SPEN: variants seen among roughly 807,000 people sequenced by gnomAD.
SPEN encodes msx2-interacting protein.
Under a neutral mutation model 269.9 loss-of-function variants are expected in SPEN, and 18 were observed. That is an observed-to-expected ratio of 0.07 (90% CI 0.05 to 0.10). The LOEUF is 0.10. Among genes scored for constraint, SPEN ranks in the 10% least tolerant of loss-of-function variants. The pLI is 1.00. For missense variants in SPEN, 3,822 were observed against 4,631.2 expected (o/e 0.83, Z 5.07); for synonymous variants, 1,726 against 1,765.7 (o/e 0.98, Z 0.56).
At position 15,919,396 on chromosome 1, in the gene SPEN, A is replaced by G. The variant is rs986246914; in HGVS notation, c.1522-8A>G. 6.4e-7 allele frequency: 1 copy of G among 1,566,098 alleles called. No individual in the cohort carries two copies. Among genetic ancestry groups the G allele is most frequent in the African/African-American group, 1.4e-5 (1 of 72,542 alleles). On this transcript the variant is annotated splice_polypyrimidine_tract_variant and splice_region_variant and intron_variant, in intron 7 of 14. Transcript: ENST00000375759. ...TTTACTAATAGAAATTTTGCCTTTT[A>G]TATTCAGCTGGGTTTTGGAAAGAGC...
Position 15,855,614 on chromosome 1 carries a change from CTT to C in SPEN, c.83+7466_83+7467del, listed in dbSNP as rs1162168594. Among the ~76,000 whole-genome samples the C allele has an allele frequency of 2.0e-5, 3 of 152,082 alleles. No individual in the cohort carries two copies. In the East Asian group the frequency reaches 5.8e-4, roughly 29 times the overall value. On this transcript the variant is annotated intron_variant, in intron 1 of 14. Transcript: ENST00000375759. ...GTGGCTCATGCCTGTAATCCCAGCA[CTT>C]TGGGAGGCTGAGGCGGGCGGGCGGA...
chr1:15,893,838 G>A (rs1209798489), intron 3 of SPEN, among the ~76,000 whole-genome samples: 1 of 152,160 alleles, frequency 6.6e-6, no homozygotes, highest in East Asian at 1.9e-4. Context: ...AGGAGTTTGA[G>A]ATCAGCCTTG....
At chr1:15,872,754 C>A (rs2070594327) in intron 1 of SPEN, 62 bp from the exon 2 acceptor site, 1 of 1,404,556 alleles carries the variant, frequency 7.1e-7, no homozygotes, top group Non-Finnish European at 9.5e-7. Flanking sequence ...CAAAAAAAAT[C>A]TAAAAACTCA....
In SPEN at chr1:15,854,772, C is replaced by T. The variant is rs530833309; in HGVS notation, c.83+6622C>T. 1.5e-3 allele frequency among the ~76,000 whole-genome samples: 229 copies of T among 152,142 alleles called. 2 individuals carry two copies. The highest frequency in any genetic ancestry group is 1.9e-3 in the South Asian group (9 of 4,814). Reference sequence around the variant, plus strand: ...CTGGGATTATAGGTGTGAGCCACCGCGACCGGCCAAAACCATGTAATTTTT... The same window carrying T: ...CTGGGATTATAGGTGTGAGCCACCGTGACCGGCCAAAACCATGTAATTTTT... On this transcript the variant is annotated intron_variant, in intron 1 of 14. Coordinates refer to ENST00000375759, the MANE Select transcript of SPEN (RefSeq NM_015001.3).
intron 6 of SPEN, 74 bp from the exon 7 acceptor site, chr1:15,918,851 AC>A: frequency 1.6e-6 from 2 of 1,236,596 alleles, no homozygotes; most frequent in Non-Finnish European, 2.3e-6. Context: ...AGAAATAAAT[AC>A]CCTATATGGA....
In SPEN at chr1:15,933,008, G is replaced by T. The variant is rs1404836483; in HGVS notation, c.6768G>T (p.Leu2256=). The T allele has an allele frequency of 1.2e-6, 2 of 1,614,158 alleles. No individual in the cohort carries two copies. The highest frequency in any genetic ancestry group is 3.3e-5 in the Admixed American group (2 of 60,032). ...DLQPPAGAQA[L]QPSEEGMETD... ...AACCCCCCGCAGGTGCACAGGCGCT[G>T]CAGCCTTCTGAGGAAGGAATGGAGA... Residue 2256 remains leucine (L), a synonymous_variant, in exon 11 of 15, where the codon CTG becomes CTT. Transcript: ENST00000375759. This position sits in a 1 kb window ranked among gnomAD's most constrained non-coding sequence, Gnocchi z 5.7.
rs2071187797 is a variant in SPEN, at chr1:15,928,347, G to C, written c.2107G>C (p.Glu703Gln). The change falls in exon 11 of 15, where the codon GAA (glutamate) becomes CAA (glutamine). Residue 703 changes from glutamate (E) to glutamine (Q), a missense_variant. This residue lies in a region of SPEN where 572 missense variants were observed against 582.6 expected (regional missense o/e 0.98). Coordinates refer to ENST00000375759, the MANE Select transcript of SPEN (RefSeq NM_015001.3). This position sits in a 1 kb window ranked among gnomAD's most constrained non-coding sequence, Gnocchi z 5.7. Reference sequence around the variant, plus strand: ...ATATAGTTACAGGCAAAGGGAACGAGAAAGAGAACGTGAAAGATTTGAGTC... The same window carrying C: ...ATATAGTTACAGGCAAAGGGAACGACAAAGAGAACGTGAAAGATTTGAGTC... ...REYSYRQRER[E>Q]RERERFESDR... The C allele has an allele frequency of 6.2e-7, 1 of 1,614,228 alleles. No individual in the cohort carries two copies. Among genetic ancestry groups the C allele is most frequent in the East Asian group, 2.2e-5 (1 of 44,880 alleles).
At chr1:15,865,456 C>G (rs951091302) in intron 1 of SPEN, among the ~76,000 whole-genome samples, 8 of 137,774 alleles carry the variant, frequency 5.8e-5, no homozygotes, top group African/African-American at 2.2e-4. Context: ...CGGTGTCTCA[C>G]TCTGTTGCCA....
At chr1:15,896,279 T>G (rs2070841860) in intron 3 of SPEN, among the ~76,000 whole-genome samples, 2 of 137,494 alleles carry the variant, frequency 1.5e-5, no homozygotes, top group Non-Finnish European at 3.1e-5. Context: ...CACTGCAATC[T>G]CCGCCTCCCA....
At chr1:15,893,208 T>G (rs979654171) in intron 3 of SPEN, among the ~76,000 whole-genome samples, 1 of 152,248 alleles carries the variant, frequency 6.6e-6, no homozygotes, top group African/African-American at 2.4e-5. Context: ...CTGGTGCTAA[T>G]AGACTGGAAT....
chr1:15,860,409 G>GTA (rs2070433758), intron 1 of SPEN, among the ~76,000 whole-genome samples: 1 of 144,884 alleles, frequency 6.9e-6, no homozygotes, highest in African/African-American at 2.7e-5. Flanking sequence ...GTGTGTGTGT[G>GTA]TGTGTGTGTA....
chr1:15,906,453 C>CTTTTTTTTTTTTTTTTT (rs200731520), intron 3 of SPEN, among the ~76,000 whole-genome samples: 2 of 92,540 alleles, frequency 2.2e-5, no homozygotes, highest in Admixed American at 1.1e-4. Flanking sequence ...TCTTTCTTTC[C>CTTTTTTTTTTTTTTTTT]TTTTTTTTTT....
In SPEN at chr1:15,939,234, T is replaced by C. The variant is rs2071311560; in HGVS notation, c.10864-62T>C. 1.3e-5 allele frequency: 20 copies of C among 1,492,112 alleles called. No individual in the cohort carries two copies. The South Asian group carries it at 2.6e-4, about 20-fold the overall frequency. The allele number at this position is 1,492,112 out of a possible 1,614,324, so 92.4% of individuals were successfully genotyped here. On this transcript the variant is annotated intron_variant, in intron 14 of 14. Transcript: ENST00000375759. This position sits in a 1 kb window ranked among gnomAD's most constrained non-coding sequence, Gnocchi z 4.1. ...ATTGGGCCTCTTCAGGGCTCCCCAA[T>C]GGAAGTGGAGTTGTGGGGGTGAAGA...
chr1:15,935,211 C>G lies in SPEN; in HGVS notation c.8971C>G (p.Pro2991Ala). Residue 2991 changes from proline (P) to alanine (A), a missense_variant, in exon 11 of 15, where the codon CCC (proline) becomes GCC (alanine). This residue lies in a region of SPEN where 94 missense variants were observed against 90.4 expected (regional missense o/e 1.04). Coordinates refer to ENST00000375759, the MANE Select transcript of SPEN (RefSeq NM_015001.3). This position sits in a 1 kb window ranked among gnomAD's most constrained non-coding sequence, Gnocchi z 7.7. ...TLTPHHPPAL[P>A]SKLPTEVNHV... is the part of the protein sequence containing the mutation. ...CACGCCCCACCACCCTCCTGCTCTG[C>G]CCAGCAAACTGCCTACAGAAGTCAA... The G allele has an allele frequency of 6.2e-7, 1 of 1,614,156 alleles. No individual in the cohort carries two copies. Among genetic ancestry groups the G allele is most frequent in the Non-Finnish European group, 8.5e-7 (1 of 1,180,024 alleles).
chr1:15,887,951 C>T (rs540456067), intron 3 of SPEN, among the ~76,000 whole-genome samples: 1 of 151,428 alleles, frequency 6.6e-6, no homozygotes, highest in African/African-American at 2.4e-5. Context: ...TCGCTTGAGC[C>T]CTGGAGGCAG....
In SPEN at chr1:15,932,945, A is replaced by G. The variant is rs1020922209; in HGVS notation, c.6705A>G (p.Ala2235=). 6.2e-7 allele frequency: 1 copy of G among 1,613,996 alleles called. No homozygotes were observed. The highest frequency in any genetic ancestry group is 8.5e-7 in the Non-Finnish European group (1 of 1,179,982). The part of the protein sequence containing the change: ...DISGEPENFP[A]PPPYPGESQT... ...CTGGGGAGCCAGAAAACTTCCCAGC[A>G]CCTCCACCTTATCCTGGAGAATCCC... The change falls in exon 11 of 15, where the codon GCA becomes GCG. Residue 2235 remains alanine (A), a synonymous_variant. Transcript: ENST00000375759. The surrounding 1 kb of genome is among the most constrained non-coding windows in gnomAD (Gnocchi z 4.2).
intron 3 of SPEN, among the ~76,000 whole-genome samples, chr1:15,890,389 A>C (rs959694457): frequency 8.6e-5 from 13 of 151,300 alleles, no homozygotes; most frequent in African/African-American, 2.9e-4. Context: ...GCACCACCAC[A>C]CCCAGCTAAT....
rs1252997458 is a variant in SPEN, at chr1:15,939,155, GAC to G, written c.10864-139_10864-138del. ...CTGACACCTGCTAGGTCTTCCAGTA[GAC>G]ATAGTCCTGGCACATTTGCTGGTTG... is the stretch of plus-strand genomic sequence containing the variant. On this transcript the variant is annotated intron_variant, in intron 14 of 14. Coordinates refer to ENST00000375759, the MANE Select transcript of SPEN (RefSeq NM_015001.3). The surrounding 1 kb of genome is among the most constrained non-coding windows in gnomAD (Gnocchi z 4.1). The G allele has an allele frequency of 8.3e-7, 1 of 1,211,528 alleles. No individual in the cohort carries two copies. Among genetic ancestry groups the G allele is most frequent in the African/African-American group, 1.5e-5 (1 of 64,728 alleles). 75.0% of individuals were successfully genotyped at this position (1,211,528 alleles called of 1,614,324 possible).
chr1:15,873,277 T>G, intron 2 of SPEN, 141 bp downstream of exon 2: 2 of 1,401,260 alleles, frequency 1.4e-6, no homozygotes, highest in East Asian at 2.5e-5. Flanking sequence ...CGGAAGTGAT[T>G]TATATCCCAA....
Sources: allele counts gnomAD v4.1 joint callset (sites outside exome capture counted in the v4.1 genomes callset), GRCh38; gene constraint gnomAD v4.1.1; regional missense constraint gnomAD v4.1.1; non-coding constraint Gnocchi (gnomAD v3.1); transcripts MANE v1.5; gene names NCBI Gene and HGNC (gene_info 2026-07-23, HGNC 2026-07-21).